Variants in RYR3 observed in about 807,000 individuals in gnomAD.
RYR3 encodes the protein ryanodine receptor 3, also known as brain ryanodine receptor-calcium release channel.
A neutral mutation model predicts 584.3 loss-of-function variants in RYR3; 207 were observed. The ratio of observed to expected loss-of-function variants is 0.35; its 90% CI spans 0.32 to 0.40. RYR3 has a LOEUF of 0.40. RYR3 is among the 10% of genes least tolerant of loss of function. The pLI, the probability that RYR3 is intolerant of heterozygous loss-of-function variation, is 1.00. For synonymous variants in RYR3, 2,416 were observed against 2,248.5 expected (o/e 1.07, Z -2.11); for missense variants, 5,616 against 6,089.2 (o/e 0.92, Z 2.59).
intron 38 of RYR3, among the ~76,000 whole-genome samples, chr15:33,680,646 G>A (rs1052052853): frequency 6.6e-6 from 1 of 152,180 alleles, no homozygotes; most frequent in African/African-American, 2.4e-5. Flanking sequence ...CTAGAAAATG[G>A]AACATGCTAG....
intron 1 of RYR3, among the ~76,000 whole-genome samples, chr15:33,317,779 C>T (rs561282512): frequency 6.6e-6 from 1 of 152,180 alleles, no homozygotes; most frequent in Non-Finnish European, 1.5e-5. Flanking sequence ...CTTTTCCCCT[C>T]CTCTGGCTTA....
At chr15:33,596,586 G>A (rs1259050469) in intron 16 of RYR3, among the ~76,000 whole-genome samples, 3 of 151,756 alleles carry the variant, frequency 2.0e-5, no homozygotes, top group Non-Finnish European at 4.4e-5. Context: ...TAGTGATGTT[G>A]TGATACATAT....
Position 33,837,007 on chromosome 15 carries a change from C to T in RYR3, c.11650+20C>T, listed in dbSNP as rs749585343. On this transcript the variant is annotated intron_variant, in intron 88 of 103. Coordinates refer to ENST00000634891, the MANE Select transcript of RYR3 (RefSeq NM_001036.6). Reference sequence around the variant, plus strand: ...TGGAAGGTTGGGCTGTTTGGTATAACTAGGCCTTCACACAACTGTAATTGG... The same window carrying T: ...TGGAAGGTTGGGCTGTTTGGTATAATTAGGCCTTCACACAACTGTAATTGG... 38 of 1,586,358 alleles carry T rather than the reference C, an allele frequency of 2.4e-5. No individual in the cohort carries two copies. Among genetic ancestry groups the T allele is most frequent in the South Asian group, 1.1e-4 (10 of 89,610 alleles).
intron 1 of RYR3, among the ~76,000 whole-genome samples, chr15:33,399,923 C>T (rs1170390763): frequency 1.3e-5 from 2 of 152,096 alleles, no homozygotes; most frequent in African/African-American, 4.8e-5. Flanking sequence ...TAGAAGTGCA[C>T]ATACCACAAC....
chr15:33,673,931 T>C lies in RYR3; in HGVS notation c.5860+3375T>C, dbSNP rs528220526. On this transcript the variant is annotated intron_variant, in intron 38 of 103. Transcript: ENST00000634891. ...TGAGTCTTTCTGAAGGAGGTGAACA[T>C]CCCTCTTCTGTCTTTAGCCCTGTGC... Among the ~76,000 whole-genome samples the C allele has an allele frequency of 1.3e-5, 2 of 152,274 alleles. 1 individual carries two copies. The highest frequency in any genetic ancestry group is 4.1e-4 in the South Asian group (2 of 4,822).
intron 102 of RYR3, among the ~76,000 whole-genome samples, chr15:33,862,130 T>C (rs1043442808): frequency 1.3e-5 from 2 of 152,060 alleles, no homozygotes; most frequent in African/African-American, 4.8e-5. Flanking sequence ...TAACTGTTCA[T>C]TTACAAGAAA....
chr15:33,626,247 T>C (rs990033320), intron 20 of RYR3, among the ~76,000 whole-genome samples: 1 of 152,238 alleles, frequency 6.6e-6, no homozygotes, highest in African/African-American at 2.4e-5. Context: ...GATAGTTATA[T>C]AGACAATAAG....
rs531144751 is a variant in RYR3, at chr15:33,408,951, CTG to C, written c.52-64466_52-64465del. Among the ~76,000 whole-genome samples, 21 of 152,316 alleles carry C rather than the reference CTG, an allele frequency of 1.4e-4. 1 individual carries two copies. In the East Asian group the frequency reaches 3.7e-3, roughly 27 times the overall value. On this transcript the variant is annotated intron_variant, in intron 1 of 103. Transcript: ENST00000634891. ...GACTAGAAAACTGCTCCTCACAAAT[CTG>C]TCAGAGGGGAAGTAACATGAAATTC...
intron 53 of RYR3, 34 bp downstream of exon 53, chr15:33,746,191 C>A (rs1287982828): frequency 2.1e-6 from 3 of 1,405,600 alleles, no homozygotes; most frequent in Non-Finnish European, 3.0e-6. Flanking sequence ...ACTGTGTGAC[C>A]ATGCTGTTTC....
chr15:33,660,794 G>T (rs1016211233), intron 34 of RYR3, among the ~76,000 whole-genome samples: 1 of 152,144 alleles, frequency 6.6e-6, no homozygotes, highest in Admixed American at 6.5e-5. Flanking sequence ...TTGCTAAGAG[G>T]TGCTATTAAT....
chr15:33,548,200 A>T lies in RYR3; in HGVS notation c.811A>T (p.Ile271Leu). The change falls in exon 9 of 104, where the codon ATA becomes TTA. Residue 271 changes from isoleucine to leucine, a missense_variant. Ile to Leu is a conservative substitution (Grantham distance 5). This residue lies in a region of RYR3 where 1,284 missense variants were observed against 1,344.6 expected (regional missense o/e 0.95). Coordinates refer to ENST00000634891, the MANE Select transcript of RYR3 (RefSeq NM_001036.6). ...RSLWRVEPLR[I>L]SWSGSNIRWG... ...TCTTTGGAGAGTGGAACCCCTTCGG[A>T]TAAGGTAATGGAAGGCCTGGGAATG... is the stretch of plus-strand genomic sequence containing the variant. 1 of 1,607,356 alleles carries T rather than the reference A, an allele frequency of 6.2e-7. No individual in the cohort carries two copies. Among genetic ancestry groups the T allele is most frequent in the African/African-American group, 1.3e-5 (1 of 74,878 alleles).
In RYR3 at chr15:33,454,804, G is replaced by A. The variant is rs999033497; in HGVS notation, c.52-18615G>A. 2.2e-4 allele frequency among the ~76,000 whole-genome samples: 34 copies of A among 152,288 alleles called. 1 individual carries two copies. The highest frequency in any genetic ancestry group is 6.0e-4 in the African/African-American group (25 of 41,566). ...GGCACTGCAGCAATAGCTCCATAGC[G>A]CTGAAGTTGATCATTTGGGTCAGGG... On this transcript the variant is annotated intron_variant, in intron 1 of 103. Coordinates refer to ENST00000634891, the MANE Select transcript of RYR3 (RefSeq NM_001036.6).
intron 53 of RYR3, among the ~76,000 whole-genome samples, chr15:33,747,419 CTTTTTTTTTTT>C (rs397854038): frequency 1.4e-5 from 1 of 71,914 alleles, no homozygotes; most frequent in South Asian, 7.4e-4. Context: ...TGTTGTCACC[CTTTTTTTTTTT>C]TTTTTTTTTT....
chr15:33,782,809 C>T (rs1157890208), intron 65 of RYR3, among the ~76,000 whole-genome samples: 1 of 152,140 alleles, frequency 6.6e-6, no homozygotes, highest in African/African-American at 2.4e-5. Context: ...CCTATAACAT[C>T]CTGGTGCATT....
chr15:33,479,478 G>T (rs1208229049), intron 2 of RYR3, among the ~76,000 whole-genome samples: 2 of 136,592 alleles, frequency 1.5e-5, no homozygotes, highest in Non-Finnish European at 3.0e-5. Flanking sequence ...TATAAGCTGA[G>T]ATTTTGACTT....
At chr15:33,645,650 G>C (rs563357536) in intron 28 of RYR3, among the ~76,000 whole-genome samples, 5 of 152,328 alleles carry the variant, frequency 3.3e-5, no homozygotes, top group African/African-American at 1.2e-4. Flanking sequence ...AGAGAGCAAA[G>C]AAGAGGCTCA....
intron 31 of RYR3, 133 bp from the exon 32 acceptor site, chr15:33,652,585 A>T (rs1012063617): frequency 8.4e-5 from 74 of 885,576 alleles, no homozygotes; most frequent in Non-Finnish European, 1.2e-4. Flanking sequence ...AAGGAAAAAA[A>T]AGTATTTGGG....
chr15:33,726,368 C>T lies in RYR3; in HGVS notation c.6913-18C>T, dbSNP rs770446702. ...GGAACCTCACTTATCTAATGTCATT[C>T]TCAACCCTATCTTCCAGCTCATCCA... On this transcript the variant is annotated intron_variant, in intron 45 of 103. Coordinates refer to ENST00000634891, the MANE Select transcript of RYR3 (RefSeq NM_001036.6). 2.5e-6 allele frequency: 4 copies of T among 1,612,548 alleles called. No homozygotes were observed. In the South Asian group the frequency reaches 4.4e-5, roughly 18 times the overall value.
chr15:33,714,869 A>G (rs910319860), intron 43 of RYR3, among the ~76,000 whole-genome samples: 12 of 152,226 alleles, frequency 7.9e-5, no homozygotes, highest in African/African-American at 1.7e-4. Flanking sequence ...CAGGAAACAG[A>G]GAAAACCCAA....
Sources: allele counts gnomAD v4.1 joint callset (sites outside exome capture counted in the v4.1 genomes callset), GRCh38; gene constraint gnomAD v4.1.1; regional missense constraint gnomAD v4.1.1; transcripts MANE v1.5; gene names NCBI Gene and HGNC (gene_info 2026-07-23, HGNC 2026-07-21).